UGT1A8: variants seen among roughly 807,000 people sequenced by gnomAD.
UGT1A8 encodes UDP-glucuronosyltransferase 1A8.
UGT1A8 carries 39 observed loss-of-function variants against 45.3 expected under a neutral mutation model. That is an observed-to-expected ratio of 0.86 (90% CI 0.67 to 1.12). UGT1A8 has a LOEUF of 1.12. UGT1A8 is among the 50% of genes most tolerant of loss of function. The probability of loss-of-function intolerance (pLI) is 0.00; values close to 1 mark genes in which losing one functional copy is unlikely to be tolerated. For synonymous variants in UGT1A8, 275 were observed against 249.2 expected, an observed-to-expected ratio of 1.10 and a Z score of -0.97; for missense variants, 719 against 664.9, an observed-to-expected ratio of 1.08 and a Z score of -0.90.
intron 1 of UGT1A8, among the ~76,000 whole-genome samples, chr2:233,711,615 C>A (rs548104109): frequency 1.3e-5 from 2 of 152,312 alleles, no homozygotes; most frequent in Admixed American, 6.5e-5. Context: ...CTCTGGTGGA[C>A]AGCTCCATTC....
chr2:233,684,782 C>G (rs2074700851), intron 1 of UGT1A8, among the ~76,000 whole-genome samples: 1 of 152,080 alleles, frequency 6.6e-6, no homozygotes, highest in Non-Finnish European at 1.5e-5. Flanking sequence ...TGCCCTTTGG[C>G]AAAGAGCCCT....
In UGT1A8 at chr2:233,722,021, C is replaced by T. The variant is rs991627062; in HGVS notation, c.856-45013C>T. On this transcript the variant is annotated intron_variant, in intron 1 of 4. Coordinates refer to ENST00000373450, the MANE Select transcript of UGT1A8 (RefSeq NM_019076.5). ...TTTAAGTGAACAGGAAAACTGAAAC[C>T]TCTTGAATTGCATGATTTTGTGGTG... 3.6e-5 allele frequency: 9 copies of T among 248,092 alleles called. No homozygotes were observed. In the Admixed American group the frequency reaches 3.8e-4, roughly 10 times the overall value. 15.4% of individuals were successfully genotyped at this position (248,092 alleles called of 1,614,324 possible).
chr2:233,678,117 G>A (rs1423085538), intron 1 of UGT1A8, among the ~76,000 whole-genome samples: 1 of 152,098 alleles, frequency 6.6e-6, no homozygotes, highest in Non-Finnish European at 1.5e-5. Flanking sequence ...GCTAAATAGT[G>A]GGTACTTTTG....
At position 233,672,151 on chromosome 2, in the gene UGT1A8, A is replaced by G. The variant is rs749791560; in HGVS notation, c.855+53589A>G. 1.7e-5 allele frequency: 28 copies of G among 1,614,110 alleles called. No individual in the cohort carries two copies. In the South Asian group the frequency reaches 2.3e-4, roughly 13 times the overall value. On this transcript the variant is annotated intron_variant, in intron 1 of 4. Transcript: ENST00000373450. ...GCAACTGGGAAGATCACTGAATTGC[A>G]CAGTGAAGACTTATTCAACTTCATA...
chr2:233,625,518 A>G (rs897431109), intron 1 of UGT1A8, among the ~76,000 whole-genome samples: 5 of 152,160 alleles, frequency 3.3e-5, no homozygotes, highest in Non-Finnish European at 7.4e-5. Flanking sequence ...TCTATTCAGA[A>G]TAGAAAAGGC....
intron 1 of UGT1A8, among the ~76,000 whole-genome samples, chr2:233,685,460 C>A (rs2074739513): frequency 6.6e-6 from 1 of 152,160 alleles, no homozygotes; most frequent in Non-Finnish European, 1.5e-5. Flanking sequence ...CCATCTAGGG[C>A]CAGTGCAGCT....
rs763953331 is a variant in UGT1A8, at chr2:233,743,717, C to T, written c.856-23317C>T. The T allele has an allele frequency of 8.8e-6, 12 of 1,367,234 alleles. No individual in the cohort carries two copies. In the East Asian group the frequency reaches 2.7e-4, roughly 31 times the overall value. 84.7% of individuals were successfully genotyped at this position (1,367,234 alleles called of 1,614,324 possible). On this transcript the variant is annotated intron_variant, in intron 1 of 4. Coordinates refer to ENST00000373450, the MANE Select transcript of UGT1A8 (RefSeq NM_019076.5). ...GCCCTCCGCCCCCGCCTCGCCATAG[C>T]GGTCATAGATATCGCGTTTCTTGGC... is the stretch of plus-strand genomic sequence containing the variant.
At chr2:233,757,541 T>TAC (rs1553619873) in intron 1 of UGT1A8, among the ~76,000 whole-genome samples, 2 of 117,592 alleles carry the variant, frequency 1.7e-5, no homozygotes, top group African/African-American at 7.2e-5. Context: ...AAGGAATATA[T>TAC]ATATATATAT....
chr2:233,711,824 G>A (rs1206489397), intron 1 of UGT1A8, among the ~76,000 whole-genome samples: 1 of 152,226 alleles, frequency 6.6e-6, no homozygotes, highest in African/African-American at 2.4e-5. Flanking sequence ...GGGCGACCAG[G>A]ACAAGGAGGC....
intron 1 of UGT1A8, among the ~76,000 whole-genome samples, chr2:233,712,313 A>G (rs2076226072): frequency 6.6e-6 from 1 of 150,438 alleles, no homozygotes. Context: ...AGAATCCTCA[A>G]CAAAGCCTTT....
chr2:233,739,222 A>G (rs1312187699), intron 1 of UGT1A8, among the ~76,000 whole-genome samples: 1 of 152,214 alleles, frequency 6.6e-6, no homozygotes, highest in Non-Finnish European at 1.5e-5. Flanking sequence ...TAGAGTCCTT[A>G]TAGAGAACCT....
intron 1 of UGT1A8, among the ~76,000 whole-genome samples, chr2:233,649,798 C>G (rs1188074197): frequency 6.6e-6 from 1 of 152,116 alleles, no homozygotes; most frequent in Non-Finnish European, 1.5e-5. Context: ...CTTAGCCACC[C>G]AAAAAACTGT....
intron 1 of UGT1A8, chr2:233,682,441 C>A: frequency 6.2e-7 from 1 of 1,613,824 alleles, no homozygotes. Flanking sequence ...CTGTGGTCTT[C>A]GCCAGGGGAA....
At chr2:233,719,417 G>A (rs368434736) in intron 1 of UGT1A8, 88 of 1,613,876 alleles carry the variant, frequency 5.5e-5, no homozygotes, top group South Asian at 3.5e-4. Flanking sequence ...AGTTACTAAC[G>A]ACCAATTCAG....
intron 1 of UGT1A8, among the ~76,000 whole-genome samples, chr2:233,646,101 G>A (rs2073594738): frequency 6.6e-6 from 1 of 152,210 alleles, no homozygotes; most frequent in South Asian, 2.1e-4. Flanking sequence ...CATGGAAGCT[G>A]CCAAGGCTCG....
chr2:233,744,850 C>T (rs534580707), intron 1 of UGT1A8, among the ~76,000 whole-genome samples: 1 of 152,016 alleles, frequency 6.6e-6, no homozygotes, highest in African/African-American at 2.4e-5. Context: ...GCAGAGTAGT[C>T]CTTGGTATTC....
chr2:233,628,253 T>C (rs2073127558), intron 1 of UGT1A8, among the ~76,000 whole-genome samples: 1 of 152,154 alleles, frequency 6.6e-6, no homozygotes, highest in South Asian at 2.1e-4. Flanking sequence ...TATCTGCACA[T>C]GGTTTCTGCA....
intron 1 of UGT1A8, among the ~76,000 whole-genome samples, chr2:233,623,844 A>G (rs1003575464): frequency 2.0e-5 from 3 of 152,178 alleles, no homozygotes; most frequent in Admixed American, 2.0e-4. Flanking sequence ...GGGGTCCTTA[A>G]TCTCCAGCAT....
intron 1 of UGT1A8, among the ~76,000 whole-genome samples, chr2:233,736,119 C>T (rs933260681): frequency 3.9e-5 from 6 of 152,336 alleles, no homozygotes; most frequent in South Asian, 2.1e-4. Context: ...CAACTTGTTT[C>T]CATTCTCCGC....
Sources: allele counts gnomAD v4.1 joint callset (sites outside exome capture counted in the v4.1 genomes callset), GRCh38; gene constraint gnomAD v4.1.1; transcripts MANE v1.5; gene names NCBI Gene and HGNC (gene_info 2026-07-23, HGNC 2026-07-21).